Variants in ATP2B2 observed in about 807,000 individuals in gnomAD.
ATP2B2 encodes the protein plasma membrane calcium-transporting ATPase 2.
ATP2B2 carries 15 observed loss-of-function variants against 120.0 expected under a neutral mutation model. The ratio of observed to expected loss-of-function variants is 0.12; its 90% CI spans 0.08 to 0.19. ATP2B2 has a LOEUF of 0.19. ATP2B2 is among the 10% of genes least tolerant of loss of function. ATP2B2 has a pLI of 1.00. For missense variants in ATP2B2, 1,045 were observed against 1,719.8 expected, an observed-to-expected ratio of 0.61 and a Z score of 6.94; for synonymous variants, 694 against 700.3, an observed-to-expected ratio of 0.99 and a Z score of 0.14.
chr3:10,665,405 T>G (rs1235928621), intron 1 of ATP2B2, among the ~76,000 whole-genome samples: 1 of 152,144 alleles, frequency 6.6e-6, no homozygotes, highest in African/African-American at 2.4e-5. Context: ...CTGTCCCTGC[T>G]GTCCCTTACT....
intron 18 of ATP2B2, 66 bp downstream of exon 18, chr3:10,345,318 C>T: frequency 6.4e-7 from 1 of 1,573,318 alleles, no homozygotes; most frequent in Non-Finnish European, 8.7e-7. Flanking sequence ...TACCCTAAGG[C>T]CCCCGAGCCT....
chr3:10,639,125 C>T (rs576743733), intron 1 of ATP2B2, among the ~76,000 whole-genome samples: 1 of 152,238 alleles, frequency 6.6e-6, no homozygotes, highest in East Asian at 1.9e-4. Flanking sequence ...ACCAAAAGCA[C>T]CATCCATAAA....
intron 1 of ATP2B2, among the ~76,000 whole-genome samples, chr3:10,706,169 G>C (rs1258377226): frequency 6.6e-6 from 1 of 152,164 alleles, no homozygotes; most frequent in African/African-American, 2.4e-5. Flanking sequence ...AAGAATCAAG[G>C]CTTAGGGAGT....
rs62238382 is a variant in ATP2B2, at chr3:10,389,313, G to A, written c.782-911C>T. 3.1e-3 allele frequency among the ~76,000 whole-genome samples: 465 copies of A among 152,368 alleles called. 1 individual carries two copies. The highest frequency in any genetic ancestry group is 6.8e-3 in the Middle Eastern group (2 of 294). On this transcript the variant is annotated intron_variant, in intron 5 of 22. Transcript: ENST00000360273. ...TGCAGGCAGCCTCTCCACCATGCAG[G>A]CTCAGAGAGCAACTTGTCCAACAGC... is the stretch of plus-strand genomic sequence containing the variant.
intron 1 of ATP2B2, among the ~76,000 whole-genome samples, chr3:10,500,932 T>G (rs527812660): frequency 2.4e-4 from 37 of 152,284 alleles, no homozygotes; most frequent in African/African-American, 8.9e-4. Context: ...CCAAGGACAC[T>G]GGGGGGCAGG....
intron 2 of ATP2B2, among the ~76,000 whole-genome samples, chr3:10,610,216 A>G (rs1428807253): frequency 6.6e-6 from 1 of 151,186 alleles, no homozygotes; most frequent in Non-Finnish European, 1.5e-5. Flanking sequence ...CTGGCCCACT[A>G]TTCCAAGCTC....
chr3:10,550,945 G>A (rs1343154935), intron 2 of ATP2B2, among the ~76,000 whole-genome samples: 5 of 151,980 alleles, frequency 3.3e-5, no homozygotes, highest in African/African-American at 1.2e-4. Flanking sequence ...CCGGCCTGCT[G>A]TTCCTGTGGC....
At chr3:10,389,023 A>T (rs758301668) in intron 5 of ATP2B2, among the ~76,000 whole-genome samples, 23 of 151,998 alleles carry the variant, frequency 1.5e-4, no homozygotes, top group Non-Finnish European at 3.1e-4. Flanking sequence ...TATGCATTTC[A>T]AGGCTTTATT....
Position 10,326,890 on chromosome 3 carries a change from G to T in ATP2B2, c.*1924C>A. 1 of 398,964 alleles carries T rather than the reference G, an allele frequency of 2.5e-6. No individual in the cohort carries two copies. Among genetic ancestry groups the T allele is most frequent in the Admixed American group, 4.4e-5 (1 of 22,732 alleles). The allele number at this position is 398,964 out of a possible 1,614,324, so 24.7% of individuals were successfully genotyped here. The stretch of plus-strand genomic sequence containing the variant: ...TGGCTCTCATCTTGTTTGTGGAAGA[G>T]TTCTCTGGGCCTGGAGAAGGGAAGG... On this transcript the variant is annotated 3_prime_UTR_variant, in exon 23 of 23. Coordinates refer to ENST00000360273, the MANE Select transcript of ATP2B2 (RefSeq NM_001001331.4).
chr3:10,501,264 C>T (rs913437475), intron 1 of ATP2B2, among the ~76,000 whole-genome samples: 1 of 152,210 alleles, frequency 6.6e-6, no homozygotes, highest in Non-Finnish European at 1.5e-5. Context: ...CCCCCTGCCT[C>T]CCGCCGCCTC....
intron 1 of ATP2B2, among the ~76,000 whole-genome samples, chr3:10,701,529 G>A (rs2071817418): frequency 6.6e-6 from 1 of 152,122 alleles, no homozygotes; most frequent in Non-Finnish European, 1.5e-5. Context: ...TGTTGTTGAG[G>A]AGTGACAGTT....
At chr3:10,680,299 A>G (rs1458349274) in intron 1 of ATP2B2, among the ~76,000 whole-genome samples, 1 of 151,992 alleles carries the variant, frequency 6.6e-6, no homozygotes, top group Admixed American at 6.6e-5. Flanking sequence ...CTCCTGCTGC[A>G]AGAGCCTGTG....
chr3:10,662,434 C>T (rs200152601), intron 1 of ATP2B2, among the ~76,000 whole-genome samples: 3,876 of 114,370 alleles, frequency 0.034, 213 homozygotes, highest in African/African-American at 0.11. Flanking sequence ...GGGCGAAGGA[C>T]ATGAACAGAC....
intron 1 of ATP2B2, among the ~76,000 whole-genome samples, chr3:10,663,065 G>A (rs961812771): frequency 2.4e-4 from 33 of 135,976 alleles, no homozygotes; most frequent in Non-Finnish European, 5.1e-4. Context: ...ACACAGGAAG[G>A]GGAACATCAC....
intron 2 of ATP2B2, among the ~76,000 whole-genome samples, chr3:10,428,702 G>A (rs868525948): frequency 2.4e-4 from 37 of 152,240 alleles, no homozygotes; most frequent in South Asian, 4.1e-4. Context: ...ATGAACAGAA[G>A]AAAGCACCAA....
At chr3:10,536,551 G>A (rs1039652333) in intron 2 of ATP2B2, among the ~76,000 whole-genome samples, 2 of 150,590 alleles carry the variant, frequency 1.3e-5, no homozygotes, top group East Asian at 3.9e-4. Flanking sequence ...TTTTGAGAAA[G>A]GGTCTCACTC....
intron 1 of ATP2B2, among the ~76,000 whole-genome samples, chr3:10,680,951 A>G (rs1324880101): frequency 6.6e-6 from 1 of 152,080 alleles, no homozygotes; most frequent in African/African-American, 2.4e-5. Flanking sequence ...ATGGTTTAGC[A>G]CCATCTACCT....
intron 1 of ATP2B2, among the ~76,000 whole-genome samples, chr3:10,471,857 G>T (rs2065018090): frequency 6.6e-6 from 1 of 151,806 alleles, no homozygotes; most frequent in Non-Finnish European, 1.5e-5. Context: ...GAGGCGGGCG[G>T]ATAACGAGGT....
chr3:10,629,639 C>T (rs1307674565), intron 1 of ATP2B2, among the ~76,000 whole-genome samples: 1 of 152,078 alleles, frequency 6.6e-6, no homozygotes, highest in East Asian at 1.9e-4. Context: ...GGGAAGTGGC[C>T]GAGTGGGGAT....
Sources: gnomAD v4.1 joint callset for allele counts (sites outside exome capture counted in the v4.1 genomes callset) on GRCh38, gnomAD v4.1.1 for gene constraint, MANE v1.5 for transcripts, NCBI Gene and HGNC (gene_info 2026-07-23, HGNC 2026-07-21) for gene names.